Variants in ZNF439 observed in about 807,000 individuals in gnomAD.
ZNF439 encodes the protein zinc finger protein 439.
Under a neutral mutation model 47.3 loss-of-function variants are expected in ZNF439, and 40 were observed. That is an observed-to-expected ratio of 0.85 (90% CI 0.66 to 1.10). ZNF439 has a LOEUF of 1.10. Ranked by LOEUF, ZNF439 falls within the 50% of genes least tolerant of loss-of-function variation. The probability of loss-of-function intolerance (pLI) is 0.00; values close to 1 mark genes in which losing one functional copy is unlikely to be tolerated. For missense variants in ZNF439, 556 were observed against 601.1 expected (o/e 0.93, Z 0.78); for synonymous variants, 171 against 198.8 (o/e 0.86, Z 1.18).
At chr19:11,851,265 T>G (rs143647637) in intron 1 of ZNF439, among the ~76,000 whole-genome samples, 13 of 152,354 alleles carry the variant, frequency 8.5e-5, no homozygotes, top group Non-Finnish European at 1.9e-4. Context: ...CCTACCTGCA[T>G]GTGGGCTGAC....
intron 1 of ZNF439, among the ~76,000 whole-genome samples, chr19:11,863,706 T>A (rs1272390152): frequency 1.3e-5 from 2 of 152,200 alleles, no homozygotes; most frequent in Non-Finnish European, 2.9e-5. Flanking sequence ...GATTGCCAAA[T>A]CCAAGGTTGT....
At chr19:11,849,317 C>T in intron 1 of ZNF439, 1 of 992,188 alleles carries the variant, frequency 1.0e-6, no homozygotes, top group Non-Finnish European at 1.2e-6. Context: ...TACTGAGGTA[C>T]GTTAACAAAA....
At chr19:11,864,976 C>T (rs992390326) in intron 1 of ZNF439, among the ~76,000 whole-genome samples, 4 of 152,040 alleles carry the variant, frequency 2.6e-5, no homozygotes, top group Non-Finnish European at 5.9e-5. Flanking sequence ...GACAAGGTTT[C>T]TCTATGTTGG....
At chr19:11,858,424 C>T (rs1223561797) in intron 1 of ZNF439, 15 of 151,116 alleles carry the variant, frequency 9.9e-5, no homozygotes, top group Non-Finnish European at 2.2e-4. Flanking sequence ...CGAGATCGCA[C>T]CACTGCACTC....
intron 1 of ZNF439, among the ~76,000 whole-genome samples, chr19:11,863,959 A>G (rs528866492): frequency 6.6e-6 from 1 of 152,140 alleles, no homozygotes; most frequent in South Asian, 2.1e-4. Context: ...GCGGGGCTCA[A>G]ATGATCTGTC....
rs138404339 is a variant in ZNF439, at chr19:11,868,888, A to G, written c.*319A>G. 2,088 of 385,446 alleles carry G rather than the reference A, an allele frequency of 5.4e-3. 10 individuals carry two copies. The highest frequency in any genetic ancestry group is 7.7e-3 in the Non-Finnish European group (1,538 of 199,206). 23.9% of individuals were successfully genotyped at this position (385,446 alleles called of 1,614,324 possible). A position where few individuals can be genotyped will look rare whatever the true frequency, so the allele number is the denominator to read the frequency against. ...CAAATACATGAAAGTTGCACAGAGG[A>G]GAGGCGCCCTAAGAATGTAAGCATT... On this transcript the variant is annotated 3_prime_UTR_variant, in exon 4 of 4. Transcript: ENST00000682736.
At chr19:11,861,743 G>A (rs1976546336) in intron 1 of ZNF439, among the ~76,000 whole-genome samples, 1 of 152,144 alleles carries the variant, frequency 6.6e-6, no homozygotes, top group Admixed American at 6.5e-5. Context: ...TATACCTGGG[G>A]GTACACAGGG....
intron 1 of ZNF439, among the ~76,000 whole-genome samples, chr19:11,864,912 C>T (rs1288733547): frequency 1.3e-5 from 2 of 151,994 alleles, no homozygotes; most frequent in African/African-American, 4.8e-5. Flanking sequence ...TCCTGAGTAG[C>T]TGGGATTACA....
At position 11,868,076 on chromosome 19, in the gene ZNF439, C is replaced by T. The variant is rs577948372; in HGVS notation, c.1022C>T (p.Ser341Phe). ...TGTAAGCAGTGTGGGAAAGCATTAT[C>T]CTCTCTTACAAGTTTTCAAACACAC... ...YECKQCGKALSSLTSFQTHIR... is the reference protein window; with the variant it reads ...YECKQCGKALFSLTSFQTHIR... Residue 341 changes from serine to phenylalanine, a missense_variant, in exon 4 of 4, where the codon TCC becomes TTC. By Grantham distance (155) the Ser-to-Phe change is radical (BLOSUM62 -2). Coordinates refer to ENST00000682736, the MANE Select transcript of ZNF439 (RefSeq NM_001348719.2). 10 of 1,614,082 alleles carry T rather than the reference C, an allele frequency of 6.2e-6. No homozygotes were observed. In the African/African-American group the frequency reaches 6.7e-5, roughly 11 times the overall value.
At chr19:11,856,987 T>A (rs1029200296) in intron 1 of ZNF439, 6 of 152,186 alleles carry the variant, frequency 3.9e-5, no homozygotes, top group African/African-American at 1.4e-4. Flanking sequence ...ATAGGCTGAA[T>A]CACAGACAAT....
At chr19:11,856,125 C>T (rs1162847776) in intron 1 of ZNF439, 1 of 152,260 alleles carries the variant, frequency 6.6e-6, no homozygotes, top group Non-Finnish European at 1.5e-5. Flanking sequence ...GATAAACTTT[C>T]CTCTTTTCCT....
At chr19:11,867,277 C>T (rs1003401653) in intron 3 of ZNF439, 29 bp from the exon 4 acceptor site, 9 of 1,591,954 alleles carry the variant, frequency 5.7e-6, no homozygotes, top group Non-Finnish European at 7.7e-6. Flanking sequence ...TAAACAAACT[C>T]TTCATAATTT....
intron 1 of ZNF439, among the ~76,000 whole-genome samples, chr19:11,853,868 T>C (rs1174762835): frequency 1.3e-5 from 2 of 152,218 alleles, no homozygotes. Context: ...GATGTTAATA[T>C]AGTGCTTTAG....
intron 3 of ZNF439, 45 bp from the exon 4 acceptor site, chr19:11,867,261 T>A: frequency 1.3e-6 from 2 of 1,574,704 alleles, no homozygotes; most frequent in African/African-American, 2.8e-5. Flanking sequence ...AATATAAAAT[T>A]ACTTATAAAC....
intron 1 of ZNF439, chr19:11,856,405 A>G (rs1323861125): frequency 6.6e-6 from 1 of 152,194 alleles, no homozygotes; most frequent in African/African-American, 2.4e-5. Flanking sequence ...AAGCAGGTCC[A>G]TTGTCCGTTT....
Position 11,868,124 on chromosome 19 carries a change from G to A in ZNF439, c.1070G>A (p.Arg357Lys). Residue 357 changes from arginine to lysine, a missense_variant, in exon 4 of 4, where the codon AGA becomes AAA. Arg to Lys is a conservative substitution (Grantham distance 26). Coordinates refer to ENST00000682736, the MANE Select transcript of ZNF439 (RefSeq NM_001348719.2). ...QTHIRMHSGE[R>K]PYECKTCGKG... ...CACATAAGAATGCACTCTGGAGAAA[G>A]ACCTTATGAATGTAAGACATGTGGG... 1 of 1,614,134 alleles carries A rather than the reference G, an allele frequency of 6.2e-7. No individual in the cohort carries two copies. The highest frequency in any genetic ancestry group is 8.5e-7 in the Non-Finnish European group (1 of 1,180,020).
At position 11,868,059 on chromosome 19, in the gene ZNF439, G is replaced by C. The variant is rs765820482; in HGVS notation, c.1005G>C (p.Gln335His). Residue 335 changes from glutamine (Q) to histidine (H), a missense_variant, in exon 4 of 4, where the codon CAG becomes CAC. By Grantham distance (24) the Gln-to-His change is conservative. Transcript: ENST00000682736. ...GGAAAAAACTTTATGAATGTAAGCA[G>C]TGTGGGAAAGCATTATCCTCTCTTA... ...HSRKKLYECKQCGKALSSLTS... is the reference protein window; with the variant it reads ...HSRKKLYECKHCGKALSSLTS... The C allele has an allele frequency of 1.2e-6, 2 of 1,614,164 alleles. No homozygotes were observed. Among genetic ancestry groups the C allele is most frequent in the South Asian group, 2.2e-5 (2 of 91,090 alleles).
intron 1 of ZNF439, among the ~76,000 whole-genome samples, chr19:11,864,454 G>C (rs898181052): frequency 6.6e-6 from 1 of 151,878 alleles, no homozygotes; most frequent in Non-Finnish European, 1.5e-5. Context: ...CTCGCTGCAC[G>C]CCTGGCTAAT....
chr19:11,849,337 G>C, intron 1 of ZNF439: 1 of 977,184 alleles, frequency 1.0e-6, no homozygotes, highest in Non-Finnish European at 1.2e-6. Context: ...AAGTTCATTT[G>C]AGGAAACAGC....
Sources: allele counts gnomAD v4.1 joint callset (sites outside exome capture counted in the v4.1 genomes callset), GRCh38; gene constraint gnomAD v4.1.1; transcripts MANE v1.5; gene names NCBI Gene and HGNC (gene_info 2026-07-23, HGNC 2026-07-21).